The following GARNL3 variants were observed in gnomAD, a reference collection of about 807,000 sequenced individuals.
GARNL3 encodes GTPase-activating Rap/Ran-GAP domain-like protein 3.
GARNL3 carries 63 observed loss-of-function variants against 125.0 expected under a neutral mutation model. That is an observed-to-expected ratio of 0.50 (90% CI 0.41 to 0.62). The LOEUF (loss-of-function observed/expected upper bound fraction) is 0.62. Among genes scored for constraint, GARNL3 ranks in the 20% least tolerant of loss-of-function variants. GARNL3 has a pLI of 0.00. For synonymous variants in GARNL3, 439 were observed against 457.5 expected (o/e 0.96, Z 0.52); for missense variants, 994 against 1,244.0 (o/e 0.80, Z 3.02).
chr9:127,345,523 C>A, intron 16 of GARNL3, 46 bp downstream of exon 16: 1 of 1,223,390 alleles, frequency 8.2e-7, no homozygotes, highest in Admixed American at 2.0e-5. Context: ...TCCCCTTTTC[C>A]TTAATGAAAA....
At chr9:127,295,128 G>A (rs1316576898) in intron 2 of GARNL3, among the ~76,000 whole-genome samples, 1 of 152,162 alleles carries the variant, frequency 6.6e-6, no homozygotes, top group Non-Finnish European at 1.5e-5. Context: ...CCCACCTTAT[G>A]CAACTCATCA....
chr9:127,337,680 G>A (rs886111998), intron 11 of GARNL3, among the ~76,000 whole-genome samples: 1 of 152,210 alleles, frequency 6.6e-6, no homozygotes, highest in East Asian at 1.9e-4. Context: ...AAACCCAAAA[G>A]GAGAGAAAGG....
At chr9:127,383,640 C>G in intron 23 of GARNL3, 95 bp downstream of exon 23, 1 of 715,852 alleles carries the variant, frequency 1.4e-6, no homozygotes, top group Non-Finnish European at 2.4e-6. Flanking sequence ...TGGCTTACTG[C>G]GAAATTGCTA....
Position 127,389,072 on chromosome 9 carries a change from G to A in GARNL3, c.2696G>A (p.Arg899His), listed in dbSNP as rs753236719. The A allele has an allele frequency of 2.4e-5, 38 of 1,613,952 alleles. No homozygotes were observed. The highest frequency in any genetic ancestry group is 1.1e-4 in the East Asian group (5 of 44,904). The part of the protein sequence containing the change: ...IPVTHSLSLS[R>H]MEIKEIASRT... ...GTCACGCACTCCTTGTCCCTGTCTC[G>A]CATGGAGATCAAAGAAATAGCAAGC... The change falls in exon 26 of 28, where the codon CGC becomes CAC. Residue 899 changes from arginine (R) to histidine (H), a missense_variant. This residue lies in a region of GARNL3 where 728 missense variants were observed against 865.7 expected (regional missense o/e 0.84). Coordinates refer to ENST00000373387, the MANE Select transcript of GARNL3 (RefSeq NM_032293.5).
chr9:127,255,797 C>T (rs146000481), intron 2 of GARNL3, among the ~76,000 whole-genome samples: 143 of 152,262 alleles, frequency 9.4e-4, no homozygotes, highest in Non-Finnish European at 1.7e-3. Context: ...GGTCCTGGGA[C>T]ATTGCATTTC....
intron 18 of GARNL3, 27 bp from the exon 19 acceptor site, chr9:127,354,264 TCTC>T (rs1400443278): frequency 6.5e-7 from 1 of 1,547,990 alleles, no homozygotes; most frequent in Admixed American, 1.7e-5. Flanking sequence ...TTCCATTTAA[TCTC>T]CTCCTCTGTC....
intron 1 of GARNL3, among the ~76,000 whole-genome samples, chr9:127,284,034 A>C (rs1052817282): frequency 1.3e-5 from 2 of 152,306 alleles, no homozygotes; most frequent in Non-Finnish European, 2.9e-5. Flanking sequence ...TTCTCAAAGG[A>C]AACTGCCCCA....
At position 127,348,939 on chromosome 9, in the gene GARNL3, T is replaced by C; in HGVS notation, c.1447T>C (p.Cys483Arg). 1 of 1,612,458 alleles carries C rather than the reference T, an allele frequency of 6.2e-7. No homozygotes were observed. Among genetic ancestry groups the C allele is most frequent in the Non-Finnish European group, 8.5e-7 (1 of 1,179,536 alleles). ...ICKKEPWEPQ[C>R]FCSNFPHEAV... is the part of the protein sequence containing the mutation. ...TGCCTCACAGCCGTGGGAGCCCCAG[T>C]GTTTCTGCAGTAATTTCCCTCATGA... The change falls in exon 17 of 28, where the codon TGT becomes CGT. Residue 483 changes from cysteine to arginine, a missense_variant. By Grantham distance (180) the Cys-to-Arg change is radical (BLOSUM62 -3). Coordinates refer to ENST00000373387, the MANE Select transcript of GARNL3 (RefSeq NM_032293.5).
At chr9:127,380,198 A>ATTG (rs1458335111) in intron 22 of GARNL3, among the ~76,000 whole-genome samples, 2 of 69,234 alleles carry the variant, frequency 2.9e-5, no homozygotes, top group Admixed American at 1.5e-4. Flanking sequence ...GTCTCAAAAA[A>ATTG]TATGTGTGTG....
chr9:127,254,131 A>G (rs2063453873), intron 2 of GARNL3, among the ~76,000 whole-genome samples: 1 of 152,204 alleles, frequency 6.6e-6, no homozygotes, highest in Non-Finnish European at 1.5e-5. Flanking sequence ...CACCTATTAA[A>G]TGTATTTTAG....
At chr9:127,249,374 A>G (rs1252311255) in intron 2 of GARNL3, among the ~76,000 whole-genome samples, 1 of 151,848 alleles carries the variant, frequency 6.6e-6, no homozygotes, top group African/African-American at 2.4e-5. Context: ...ACTTGAGCCC[A>G]GGAGTTCAAG....
intron 11 of GARNL3, 59 bp from the exon 12 acceptor site, chr9:127,338,057 C>A: frequency 1.6e-6 from 2 of 1,266,852 alleles, no homozygotes; most frequent in Non-Finnish European, 1.2e-6. Flanking sequence ...ATTTTCAGAG[C>A]GCAAGCTGTC....
At chr9:127,374,355 A>T (rs2131772005) in intron 22 of GARNL3, among the ~76,000 whole-genome samples, 1 of 152,322 alleles carries the variant, frequency 6.6e-6, no homozygotes, top group East Asian at 1.9e-4. Context: ...TCAGATTTAA[A>T]AATTCATTCA....
In GARNL3 at chr9:127,383,473, G is replaced by A; in HGVS notation, c.2197G>A (p.Gly733Ser). Residue 733 changes from glycine to serine, a missense_variant, in exon 23 of 28, where the codon GGT (glycine) becomes AGT (serine). Physicochemically the swap from Gly to Ser is moderately conservative, Grantham distance 56. Coordinates refer to ENST00000373387, the MANE Select transcript of GARNL3 (RefSeq NM_032293.5). ...CTATAAAAAGGTTTGCCCCTTTAAT[G>A]GTGGCTCTTTTTTGGTTCAACCTTC... Reference protein sequence around the residue: ...CIYKKVCPFNGGSFLVQPSAS... With the variant: ...CIYKKVCPFNSGSFLVQPSAS... 1.2e-6 allele frequency: 2 copies of A among 1,613,346 alleles called. No homozygotes were observed. Among genetic ancestry groups the A allele is most frequent in the South Asian group, 2.2e-5 (2 of 90,862 alleles).
chr9:127,381,566 T>C (rs901163634), intron 22 of GARNL3, among the ~76,000 whole-genome samples: 16 of 152,094 alleles, frequency 1.1e-4, no homozygotes, highest in Non-Finnish European at 1.9e-4. Context: ...ATACAGTATG[T>C]ACTCAGATAT....
At position 127,325,103 on chromosome 9, in the gene GARNL3, A is replaced by G. The variant is rs1483952434; in HGVS notation, c.594+8A>G. 6.2e-7 allele frequency: 1 copy of G among 1,612,722 alleles called. No homozygotes were observed. The highest frequency in any genetic ancestry group is 8.5e-7 in the Non-Finnish European group (1 of 1,178,798). On this transcript the variant is annotated splice_region_variant and intron_variant, in intron 7 of 27. Transcript: ENST00000373387. ...GTTCTTGAAGAACAAGAGGTGAGTA[A>G]TTCTATGGAGATATTTGCACCTGCT...
intron 2 of GARNL3, among the ~76,000 whole-genome samples, chr9:127,296,606 A>C (rs1291489622): frequency 5.3e-5 from 8 of 151,270 alleles, no homozygotes; most frequent in Non-Finnish European, 8.8e-5. Context: ...CAAGTAGCTG[A>C]GATTACAGGC....
At chr9:127,279,271 C>G (rs1273118958) in intron 1 of GARNL3, among the ~76,000 whole-genome samples, 1 of 151,176 alleles carries the variant, frequency 6.6e-6, no homozygotes, top group Admixed American at 6.6e-5. Context: ...ATTAATTTTC[C>G]TTAAAACATT....
chr9:127,350,775 C>CA (rs1333253057), intron 17 of GARNL3, among the ~76,000 whole-genome samples: 1,794 of 139,228 alleles, frequency 0.013, 42 homozygotes, highest in African/African-American at 0.045. Flanking sequence ...GACTCCATCT[C>CA]AAAAAAAAAA....
Sources: allele counts gnomAD v4.1 joint callset (sites outside exome capture counted in the v4.1 genomes callset), GRCh38; gene constraint gnomAD v4.1.1; regional missense constraint gnomAD v4.1.1; transcripts MANE v1.5; gene names NCBI Gene and HGNC (gene_info 2026-07-23, HGNC 2026-07-21).